Variants in MLF2 observed in about 807,000 individuals in gnomAD.
The protein encoded by MLF2 is myeloid leukemia factor 2.
A neutral mutation model predicts 31.4 loss-of-function variants in MLF2; 12 were observed. The observed-to-expected ratio is 0.38, with a 90% CI of 0.24 to 0.62. The LOEUF is 0.62. Ranked by LOEUF, MLF2 falls within the 20% of genes least tolerant of loss-of-function variation. MLF2 has a pLI of 0.58. For missense variants in MLF2, 272 were observed against 359.7 expected, an observed-to-expected ratio of 0.76 and a Z score of 1.97; for synonymous variants, 109 against 118.8, an observed-to-expected ratio of 0.92 and a Z score of 0.54.
chr12:6,752,074 T>C lies in MLF2; in HGVS notation c.51-20A>G. ...GGATCCCTGTGGAGTGAGCACATAG[T>C]ATGGATGGCAGAAGCGCCAAACTGT... On this transcript the variant is annotated intron_variant, in intron 2 of 8. Transcript: ENST00000203630. The surrounding 1 kb of genome is among the most constrained non-coding windows in gnomAD (Gnocchi z 4.6). The C allele has an allele frequency of 6.2e-7, 1 of 1,613,762 alleles. No individual in the cohort carries two copies. Among genetic ancestry groups the C allele is most frequent in the Non-Finnish European group, 8.5e-7 (1 of 1,179,866 alleles).
intron 3 of MLF2, 115 bp from the exon 4 acceptor site, chr12:6,751,791 C>A (rs963555126): frequency 7.7e-6 from 12 of 1,564,280 alleles, no homozygotes; most frequent in Non-Finnish European, 9.7e-6. Context: ...GTCACAAAGC[C>A]CTTTTTCCTG....
Position 6,750,167 on chromosome 12 carries a change from C to A in MLF2, c.399+10G>T, listed in dbSNP as rs1476543121. 1 of 1,614,196 alleles carries A rather than the reference C, an allele frequency of 6.2e-7. No homozygotes were observed. The highest frequency in any genetic ancestry group is 1.7e-5 in the Admixed American group (1 of 60,022). ...TACCTTCTCTGGGACAGGAGGGCTC[C>A]CCAACTCACCCCGCCTGGTGCCGAG... is the stretch of plus-strand genomic sequence containing the variant. On this transcript the variant is annotated intron_variant, in intron 6 of 8. Coordinates refer to ENST00000203630, the MANE Select transcript of MLF2 (RefSeq NM_001382226.1). This position sits in a 1 kb window ranked among gnomAD's most constrained non-coding sequence, Gnocchi z 5.3.
Position 6,750,158 on chromosome 12 carries a change from G to A in MLF2, c.399+19C>T, listed in dbSNP as rs762127586. ...GCTCAATCCTACCTTCTCTGGGACA[G>A]GAGGGCTCCCCAACTCACCCCGCCT... On this transcript the variant is annotated intron_variant, in intron 6 of 8. Coordinates refer to ENST00000203630, the MANE Select transcript of MLF2 (RefSeq NM_001382226.1). The surrounding 1 kb of genome is among the most constrained non-coding windows in gnomAD (Gnocchi z 5.3). 1.2e-6 allele frequency: 2 copies of A among 1,614,162 alleles called. No individual in the cohort carries two copies. The highest frequency in any genetic ancestry group is 2.2e-5 in the South Asian group (2 of 91,076).
Position 6,750,879 on chromosome 12 carries a change from T to C in MLF2, c.217-113A>G. ...TGCACATTTCCTTTCTCTTCTTCCTTCACATCTAGCAAGTTCTCTTTCTCA... is the reference window on the plus strand; with the variant it reads ...TGCACATTTCCTTTCTCTTCTTCCTCCACATCTAGCAAGTTCTCTTTCTCA... On this transcript the variant is annotated intron_variant, in intron 4 of 8. Transcript: ENST00000203630. The surrounding 1 kb of genome is among the most constrained non-coding windows in gnomAD (Gnocchi z 5.3). The C allele has an allele frequency of 1.1e-6, 1 of 878,964 alleles. No homozygotes were observed. The highest frequency in any genetic ancestry group is 1.9e-6 in the Non-Finnish European group (1 of 531,656). The allele number at this position is 878,964 out of a possible 1,614,324, so 54.4% of individuals were successfully genotyped here.
Position 6,748,711 on chromosome 12 carries a change from G to A in MLF2, c.*25+59C>T, listed in dbSNP as rs772840901. 8 of 1,327,340 alleles carry A rather than the reference G, an allele frequency of 6.0e-6. No individual in the cohort carries two copies. Among genetic ancestry groups the A allele is most frequent in the South Asian group, 1.7e-5 (1 of 59,894 alleles). The allele number at this position is 1,327,340 out of a possible 1,614,324, so 82.2% of individuals were successfully genotyped here. On this transcript the variant is annotated intron_variant, in intron 8 of 8. Coordinates refer to ENST00000203630, the MANE Select transcript of MLF2 (RefSeq NM_001382226.1). The surrounding 1 kb of genome is among the most constrained non-coding windows in gnomAD (Gnocchi z 4.6). The stretch of plus-strand genomic sequence containing the variant: ...TCCTGCGGGAGCCTGAACTGAGCCT[G>A]CCTTGCAGCCGAGGACCGTCCGCAG...
Position 6,750,386 on chromosome 12 carries a change from T to C in MLF2, c.271-81A>G, listed in dbSNP as rs1941596122. The C allele has an allele frequency of 6.7e-7, 1 of 1,503,376 alleles. No individual in the cohort carries two copies. Among genetic ancestry groups the C allele is most frequent in the Non-Finnish European group, 9.0e-7 (1 of 1,110,094 alleles). The allele number at this position is 1,503,376 out of a possible 1,614,324, so 93.1% of individuals were successfully genotyped here. ...GGGATTTCACCCTTCAGCTGCCTGT[T>C]CTAGCCTGTATCTTTCTCACAAAAT... is the stretch of plus-strand genomic sequence containing the variant. On this transcript the variant is annotated intron_variant, in intron 5 of 8. Coordinates refer to ENST00000203630, the MANE Select transcript of MLF2 (RefSeq NM_001382226.1). This position sits in a 1 kb window ranked among gnomAD's most constrained non-coding sequence, Gnocchi z 5.3.
At position 6,752,073 on chromosome 12, in the gene MLF2, G is replaced by A. The variant is rs762338413; in HGVS notation, c.51-19C>T. ...GGGATCCCTGTGGAGTGAGCACATAGTATGGATGGCAGAAGCGCCAAACTG... is the reference window on the plus strand; with the variant it reads ...GGGATCCCTGTGGAGTGAGCACATAATATGGATGGCAGAAGCGCCAAACTG... On this transcript the variant is annotated intron_variant, in intron 2 of 8. Transcript: ENST00000203630. This position sits in a 1 kb window ranked among gnomAD's most constrained non-coding sequence, Gnocchi z 4.6. The A allele has an allele frequency of 4.3e-6, 7 of 1,613,992 alleles. No homozygotes were observed. The South Asian group carries it at 7.7e-5, about 18-fold the overall frequency.
rs776780149 is a variant in MLF2 at position 6,751,911 on chromosome 12, C to T, written c.180+14G>A. ...ACCTTTCTTTGGGTCTCAGGTGTGT[C>T]TCAGCATCATTACCTGCTGCATCCG... On this transcript the variant is annotated intron_variant, in intron 3 of 8. Coordinates refer to ENST00000203630, the MANE Select transcript of MLF2 (RefSeq NM_001382226.1). 5 of 1,613,922 alleles carry T rather than the reference C, an allele frequency of 3.1e-6. No homozygotes were observed. The South Asian group carries it at 4.4e-5, about 14-fold the overall frequency.
rs753559297 is a variant in MLF2, at chr12:6,750,698, T to A, written c.270+15A>T. On this transcript the variant is annotated intron_variant, in intron 5 of 8. Transcript: ENST00000203630. The surrounding 1 kb of genome is among the most constrained non-coding windows in gnomAD (Gnocchi z 5.3). ...CTGAGAGCAAGGCCGGGGAAGGGTA[T>A]GGGGCAAGTCTCACCATGTTTCCAA... The A allele has an allele frequency of 1.2e-6, 2 of 1,613,644 alleles. No homozygotes were observed. Among genetic ancestry groups the A allele is most frequent in the Admixed American group, 3.3e-5 (2 of 60,002 alleles).
At position 6,748,459 on chromosome 12, in the gene MLF2, C is replaced by G. The variant is rs999709423; in HGVS notation, c.*114G>C. 9.1e-6 allele frequency: 2 copies of G among 220,716 alleles called. No individual in the cohort carries two copies. The highest frequency in any genetic ancestry group is 2.3e-5 in the African/African-American group (1 of 43,880). The allele number at this position is 220,716 out of a possible 1,614,324, so 13.7% of individuals were successfully genotyped here. ...ACCCCCAGGGAGAGGTGGGGGCCGG[C>G]TTGCCTGTTAATTTAATATTAAATT... On this transcript the variant is annotated 3_prime_UTR_variant, in exon 9 of 9. Coordinates refer to ENST00000203630, the MANE Select transcript of MLF2 (RefSeq NM_001382226.1). This position sits in a 1 kb window ranked among gnomAD's most constrained non-coding sequence, Gnocchi z 4.6.
At position 6,749,823 on chromosome 12, in the gene MLF2, C is replaced by T. The variant is rs889998774; in HGVS notation, c.559+25G>A. The T allele has an allele frequency of 6.2e-7, 1 of 1,612,382 alleles. No individual in the cohort carries two copies. Among genetic ancestry groups the T allele is most frequent in the African/African-American group, 1.3e-5 (1 of 74,868 alleles). On this transcript the variant is annotated intron_variant, in intron 7 of 8. Transcript: ENST00000203630. This position sits in a 1 kb window ranked among gnomAD's most constrained non-coding sequence, Gnocchi z 5.3. Reference sequence around the variant, plus strand: ...CGGGAACCGGGTTAGGGGCTGCCAGCCAGGAAGCGGGAGGGAAGGCTCACT... The same window carrying T: ...CGGGAACCGGGTTAGGGGCTGCCAGTCAGGAAGCGGGAGGGAAGGCTCACT...
intron 4 of MLF2, chr12:6,751,081 T>C (rs865859024): frequency 9.0e-5 from 32 of 354,018 alleles, no homozygotes; most frequent in Middle Eastern, 8.5e-4. Flanking sequence ...AGGCATGAAA[T>C]TGTTAAAACC....
chr12:6,750,443 T>C lies in MLF2; in HGVS notation c.271-138A>G. 8.2e-7 allele frequency: 1 copy of C among 1,217,146 alleles called. No homozygotes were observed. Among genetic ancestry groups the C allele is most frequent in the South Asian group, 1.5e-5 (1 of 67,196 alleles). The allele number at this position is 1,217,146 out of a possible 1,614,324, so 75.4% of individuals were successfully genotyped here. ...ACTGAAAAAACATCAGGCCTCATCA[T>C]TACCCTCCCAAATTCCTCTGAGTCC... On this transcript the variant is annotated intron_variant, in intron 5 of 8. Coordinates refer to ENST00000203630, the MANE Select transcript of MLF2 (RefSeq NM_001382226.1). The surrounding 1 kb of genome is among the most constrained non-coding windows in gnomAD (Gnocchi z 5.3).
rs1941642781 is a variant in MLF2, at chr12:6,753,125, C to G, written c.-215G>C. ...CGGCCAACGGAGCCCGAACCTCGGC[C>G]AGGCCCGGGCGGAAGTGACGTCACG... On this transcript the variant is annotated 5_prime_UTR_variant, in exon 1 of 9. Coordinates refer to ENST00000203630, the MANE Select transcript of MLF2 (RefSeq NM_001382226.1). 2.5e-6 allele frequency: 1 copy of G among 394,492 alleles called. No homozygotes were observed. Among genetic ancestry groups the G allele is most frequent in the African/African-American group, 2.1e-5 (1 of 48,490 alleles). The allele number at this position is 394,492 out of a possible 1,614,324, so 24.4% of individuals were successfully genotyped here.
rs761728866 is a variant in MLF2, at chr12:6,750,900, T to G, written c.217-134A>C. ...TCCTTCACATCTAGCAAGTTCTCTT[T>G]CTCATTCTGTTAAAATAACCAGAAT... On this transcript the variant is annotated intron_variant, in intron 4 of 8. Coordinates refer to ENST00000203630, the MANE Select transcript of MLF2 (RefSeq NM_001382226.1). The surrounding 1 kb of genome is among the most constrained non-coding windows in gnomAD (Gnocchi z 5.3). The G allele has an allele frequency of 7.9e-6, 6 of 759,588 alleles. No homozygotes were observed. The highest frequency in any genetic ancestry group is 1.4e-5 in the Non-Finnish European group (6 of 437,864). 47.1% of individuals were successfully genotyped at this position (759,588 alleles called of 1,614,324 possible).
In MLF2 at chr12:6,750,557, C is replaced by T; in HGVS notation, c.270+156G>A. ...TGCCGGCTGCTTCAGGCAGGCATGA[C>T]AGCAGGTACAGGGTCCCAAGGCTCT... On this transcript the variant is annotated intron_variant, in intron 5 of 8. Transcript: ENST00000203630. This position sits in a 1 kb window ranked among gnomAD's most constrained non-coding sequence, Gnocchi z 5.3. The T allele has an allele frequency of 3.1e-6, 3 of 962,746 alleles. No homozygotes were observed. Among genetic ancestry groups the T allele is most frequent in the Admixed American group, 2.4e-5 (1 of 42,508 alleles). 59.6% of individuals were successfully genotyped at this position (962,746 alleles called of 1,614,324 possible). A position where few individuals can be genotyped will look rare whatever the true frequency, so the allele number is the denominator to read the frequency against.
At position 6,752,093 on chromosome 12, in the gene MLF2, A is replaced by C. The variant is rs113234952; in HGVS notation, c.51-39T>G. 1 of 1,612,884 alleles carries C rather than the reference A, an allele frequency of 6.2e-7. No individual in the cohort carries two copies. Among genetic ancestry groups the C allele is most frequent in the Non-Finnish European group, 8.5e-7 (1 of 1,179,006 alleles). ...ACATAGTATGGATGGCAGAAGCGCC[A>C]AACTGTCAATCCCTCCACCACCCTG... On this transcript the variant is annotated intron_variant, in intron 2 of 8. Transcript: ENST00000203630. The surrounding 1 kb of genome is among the most constrained non-coding windows in gnomAD (Gnocchi z 4.6).
At position 6,749,092 on chromosome 12, in the gene MLF2, T is replaced by C; in HGVS notation, c.560-110A>G. ...CAAAGCGGCGAAGGCTGAGTGTGCG[T>C]GCAGGGATGGGTGGGGTGGCAATTC... On this transcript the variant is annotated intron_variant, in intron 7 of 8. Transcript: ENST00000203630. The surrounding 1 kb of genome is among the most constrained non-coding windows in gnomAD (Gnocchi z 5.3). 2 of 1,194,884 alleles carry C rather than the reference T, an allele frequency of 1.7e-6. No homozygotes were observed. The highest frequency in any genetic ancestry group is 6.7e-5 in the Admixed American group (2 of 29,684). The allele number at this position is 1,194,884 out of a possible 1,614,324, so 74.0% of individuals were successfully genotyped here.
At position 6,750,559 on chromosome 12, in the gene MLF2, G is replaced by A; in HGVS notation, c.270+154C>T. The A allele has an allele frequency of 1.0e-6, 1 of 968,998 alleles. No homozygotes were observed. Among genetic ancestry groups the A allele is most frequent in the Non-Finnish European group, 1.6e-6 (1 of 641,372 alleles). The allele number at this position is 968,998 out of a possible 1,614,324, so 60.0% of individuals were successfully genotyped here. A position where few individuals can be genotyped will look rare whatever the true frequency, so the allele number is the denominator to read the frequency against. ...CCGGCTGCTTCAGGCAGGCATGACA[G>A]CAGGTACAGGGTCCCAAGGCTCTCT... On this transcript the variant is annotated intron_variant, in intron 5 of 8. Coordinates refer to ENST00000203630, the MANE Select transcript of MLF2 (RefSeq NM_001382226.1). The surrounding 1 kb of genome is among the most constrained non-coding windows in gnomAD (Gnocchi z 5.3).
Sources: gnomAD v4.1 joint callset for allele counts on GRCh38, gnomAD v4.1.1 for gene constraint, Gnocchi (gnomAD v3.1) non-coding constraint, MANE v1.5 for transcripts, NCBI Gene and HGNC (gene_info 2026-07-23, HGNC 2026-07-21) for gene names.